The following TBC1D12 variants were observed in gnomAD, a reference collection of about 807,000 sequenced individuals.
The protein encoded by TBC1D12 is TBC1 domain family member 12.
A neutral mutation model predicts 86.7 loss-of-function variants in TBC1D12; 56 were observed. The ratio of observed to expected loss-of-function variants is 0.65; its 90% CI spans 0.52 to 0.81. TBC1D12 has a LOEUF of 0.81. TBC1D12 is among the 30% of genes least tolerant of loss of function. TBC1D12 has a pLI of 0.00. For missense variants in TBC1D12, 1,023 were observed against 1,038.8 expected (o/e 0.98, Z 0.21); for synonymous variants, 421 against 411.7 (o/e 1.02, Z -0.27).
chr10:94,534,020 C>G lies in TBC1D12; in HGVS notation c.*924C>G, dbSNP rs1383955140. The G allele has an allele frequency of 6.6e-6, 1 of 152,176 alleles. No homozygotes were observed. Among genetic ancestry groups the G allele is most frequent in the Non-Finnish European group, 1.5e-5 (1 of 68,020 alleles). 9.4% of individuals were successfully genotyped at this position (152,176 alleles called of 1,614,324 possible). A position where few individuals can be genotyped will look rare whatever the true frequency, so the allele number is the denominator to read the frequency against. The stretch of plus-strand genomic sequence containing the variant: ...TAGTTACAATTCTTCCACTGTTTAA[C>G]TCCAGTTTGAAATTTGAAATCTAAT... On this transcript the variant is annotated 3_prime_UTR_variant, in exon 13 of 13. Coordinates refer to ENST00000225235, the MANE Select transcript of TBC1D12 (RefSeq NM_015188.2).
chr10:94,500,874 A>G (rs555113735), intron 6 of TBC1D12, among the ~76,000 whole-genome samples: 1 of 151,772 alleles, frequency 6.6e-6, no homozygotes, highest in Admixed American at 6.6e-5. Flanking sequence ...CAGCCAACAT[A>G]GCGAAACCCT....
chr10:94,431,285 C>T (rs911594473), intron 1 of TBC1D12, among the ~76,000 whole-genome samples: 9 of 151,638 alleles, frequency 5.9e-5, no homozygotes, highest in East Asian at 1.9e-4. Context: ...TGTGGTGGCA[C>T]GCACCTGTAA....
At chr10:94,469,076 T>TA (rs1460256041) in intron 2 of TBC1D12, among the ~76,000 whole-genome samples, 2 of 152,214 alleles carry the variant, frequency 1.3e-5, no homozygotes, top group Middle Eastern at 3.2e-3. Context: ...AAAAAGTTTA[T>TA]AAATAAGCCA....
In TBC1D12 at chr10:94,407,661, G is replaced by A. The variant is rs1252910492; in HGVS notation, c.971+4077G>A. ...CGTGGCACTGCACTCCAGCCTGGGT[G>A]ACAGATTCCGTCTCAAAAAAAAAAA... On this transcript the variant is annotated intron_variant, in intron 1 of 12. Coordinates refer to ENST00000225235, the MANE Select transcript of TBC1D12 (RefSeq NM_015188.2). Among the ~76,000 whole-genome samples the A allele has an allele frequency of 4.9e-5, 7 of 143,112 alleles. No individual in the cohort carries two copies. In the East Asian group the frequency reaches 1.5e-3, roughly 31 times the overall value. 93.9% of individuals were successfully genotyped at this position (143,112 alleles called of 152,430 possible). A position where few individuals can be genotyped will look rare whatever the true frequency, so the allele number is the denominator to read the frequency against.
intron 1 of TBC1D12, among the ~76,000 whole-genome samples, chr10:94,411,648 A>G (rs2054929035): frequency 6.6e-6 from 1 of 152,100 alleles, no homozygotes; most frequent in Non-Finnish European, 1.5e-5. Context: ...CAGGAGACCT[A>G]TTATTTGGCT....
At chr10:94,425,273 C>T (rs983038743) in intron 1 of TBC1D12, among the ~76,000 whole-genome samples, 20 of 151,834 alleles carry the variant, frequency 1.3e-4, no homozygotes, top group African/African-American at 4.8e-4. Flanking sequence ...GTTTTTTTGG[C>T]GTGATGGAAG....
intron 6 of TBC1D12, among the ~76,000 whole-genome samples, chr10:94,501,170 C>T (rs552507953): frequency 4.0e-4 from 61 of 151,800 alleles, no homozygotes; most frequent in Admixed American, 1.0e-3. Context: ...AAACTTTAGC[C>T]GGGCATGGTG....
In TBC1D12 at chr10:94,470,690, CTTTTTTTTTT is replaced by C. The variant is rs35586245; in HGVS notation, c.1096-3967_1096-3958del. On this transcript the variant is annotated intron_variant, in intron 2 of 12. Coordinates refer to ENST00000225235, the MANE Select transcript of TBC1D12 (RefSeq NM_015188.2). ...ATTATTTCTAATACAATTTGTAATT[CTTTTTTTTTT>C]TTTTTTTTTTACTTTTTTTTTTAAT... 2.2e-4 allele frequency among the ~76,000 whole-genome samples: 23 copies of C among 105,828 alleles called. 1 individual carries two copies. The East Asian group carries it at 7.0e-3, about 32-fold the overall frequency. 69.4% of individuals were successfully genotyped at this position (105,828 alleles called of 152,430 possible). A position where few individuals can be genotyped will look rare whatever the true frequency, so the allele number is the denominator to read the frequency against.
intron 1 of TBC1D12, among the ~76,000 whole-genome samples, chr10:94,417,781 C>G (rs1356807703): frequency 6.8e-6 from 1 of 147,882 alleles, no homozygotes; most frequent in South Asian, 2.1e-4. Flanking sequence ...CGGAGTCTCG[C>G]TCTGTCGCCC....
chr10:94,423,706 G>A (rs1430070932), intron 1 of TBC1D12, among the ~76,000 whole-genome samples: 2 of 152,088 alleles, frequency 1.3e-5, no homozygotes, highest in Non-Finnish European at 2.9e-5. Flanking sequence ...AACTTGGGGG[G>A]TCTGCTTGTC....
At chr10:94,531,679 T>TTTATTTTATTTTATG (rs1842422746) in intron 12 of TBC1D12, among the ~76,000 whole-genome samples, 6 of 133,050 alleles carry the variant, frequency 4.5e-5, no homozygotes, top group Admixed American at 7.4e-5. Context: ...TTTATTTTAT[T>TTTATTTTATTTTATG]TTATTTTATG....
chr10:94,517,909 T>C (rs1842041968), intron 9 of TBC1D12, among the ~76,000 whole-genome samples: 2 of 152,194 alleles, frequency 1.3e-5, no homozygotes, highest in South Asian at 4.1e-4. Flanking sequence ...TCCCAGCATT[T>C]TGGGAGGCCG....
chr10:94,471,516 T>C (rs1182342284), intron 2 of TBC1D12, among the ~76,000 whole-genome samples: 2 of 152,198 alleles, frequency 1.3e-5, no homozygotes, highest in African/African-American at 4.8e-5. Context: ...TCTAATCTTA[T>C]TTCTCATCAT....
chr10:94,428,712 G>A (rs538752913), intron 1 of TBC1D12, among the ~76,000 whole-genome samples: 2 of 151,234 alleles, frequency 1.3e-5, no homozygotes, highest in East Asian at 3.9e-4. Context: ...ATTTGTGTAG[G>A]TTCATTGACT....
chr10:94,403,516 G>A lies in TBC1D12; in HGVS notation c.903G>A (p.Ala301=). The change falls in exon 1 of 13, where the codon GCG becomes GCA. Residue 301 remains alanine (A), a synonymous_variant. Transcript: ENST00000225235. Reference sequence around the variant, plus strand: ...GGCCGCCGGTGCCCTTGCCCGCCGCGGAGCAGGGTCCTGCGGGGGCTTCGG... The same window carrying A: ...GGCCGCCGGTGCCCTTGCCCGCCGCAGAGCAGGGTCCTGCGGGGGCTTCGG... ...PAGPPVPLPA[A]EQGPAGASAR... is the part of the protein sequence containing the mutation. 3 of 1,561,850 alleles carry A rather than the reference G, an allele frequency of 1.9e-6. No individual in the cohort carries two copies. Among genetic ancestry groups the A allele is most frequent in the South Asian group, 1.2e-5 (1 of 84,280 alleles).
At chr10:94,512,207 T>TA (rs1268217376) in intron 9 of TBC1D12, among the ~76,000 whole-genome samples, 1 of 152,240 alleles carries the variant, frequency 6.6e-6, no homozygotes, top group Non-Finnish European at 1.5e-5. Context: ...ATTCTACACT[T>TA]ATTTAATTTA....
At chr10:94,410,917 GTAT>G (rs1276002294) in intron 1 of TBC1D12, among the ~76,000 whole-genome samples, 1 of 151,986 alleles carries the variant, frequency 6.6e-6, no homozygotes, top group Non-Finnish European at 1.5e-5. Flanking sequence ...TAATATCATG[GTAT>G]TATAATACAC....
intron 1 of TBC1D12, among the ~76,000 whole-genome samples, chr10:94,437,356 C>T (rs960312479): frequency 6.6e-5 from 10 of 151,504 alleles, no homozygotes; most frequent in South Asian, 6.2e-4. Context: ...GACAGAGTCT[C>T]GCTGTGTCAC....
At position 94,521,739 on chromosome 10, in the gene TBC1D12, C is replaced by T. The variant is rs368062715; in HGVS notation, c.1762-216C>T. 2.0e-4 allele frequency among the ~76,000 whole-genome samples: 30 copies of T among 152,172 alleles called. 1 individual carries two copies. The East Asian group carries it at 4.8e-3, about 24-fold the overall frequency. On this transcript the variant is annotated intron_variant, in intron 9 of 12. Transcript: ENST00000225235. ...TACTTTTTTGTTTTTCAAAAATTCT[C>T]CCTAATGTTGAAAAACCACACCATA...
Sources: gnomAD v4.1 joint callset for allele counts (sites outside exome capture counted in the v4.1 genomes callset) on GRCh38, gnomAD v4.1.1 for gene constraint, MANE v1.5 for transcripts, NCBI Gene and HGNC (gene_info 2026-07-23, HGNC 2026-07-21) for gene names.